The following DBX2 variants were observed in gnomAD, a reference collection of about 807,000 sequenced individuals.
DBX2 encodes the protein developing brain homeobox 2, also known as homeobox protein DBX2.
DBX2 carries 16 observed loss-of-function variants against 17.7 expected under a neutral mutation model. The observed-to-expected ratio is 0.90, with a 90% CI of 0.61 to 1.37. The LOEUF (loss-of-function observed/expected upper bound fraction) is 1.37, where lower values mean the gene tolerates loss of function less well. Among genes scored for constraint, DBX2 ranks in the 40% most tolerant of loss-of-function variants. The pLI is 0.00. For synonymous variants in DBX2, 255 were observed against 183.8 expected, an observed-to-expected ratio of 1.39 and a Z score of -3.13; for missense variants, 538 against 433.8, an observed-to-expected ratio of 1.24 and a Z score of -2.13.
intron 2 of DBX2, among the ~76,000 whole-genome samples, chr12:45,024,103 G>A (rs551092848): frequency 2.0e-5 from 3 of 152,184 alleles, no homozygotes; most frequent in East Asian, 1.9e-4. Context: ...GAGGGACCTC[G>A]TGGGAGGTAA....
intron 2 of DBX2, among the ~76,000 whole-genome samples, chr12:45,026,248 C>T (rs888984750): frequency 6.6e-6 from 1 of 152,036 alleles, no homozygotes; most frequent in African/African-American, 2.4e-5. Context: ...ATTTGGACCT[C>T]TAAAGTGGAA....
intron 2 of DBX2, 89 bp downstream of exon 2, chr12:45,035,930 T>C (rs1180206321): frequency 8.0e-7 from 1 of 1,244,884 alleles, no homozygotes; most frequent in African/African-American, 1.5e-5. Context: ...TGCCATTGCA[T>C]TACCAATTAG....
At chr12:45,045,367 G>T (rs972769578) in intron 1 of DBX2, among the ~76,000 whole-genome samples, 2 of 152,142 alleles carry the variant, frequency 1.3e-5, no homozygotes, top group Non-Finnish European at 2.9e-5. Flanking sequence ...CCTAACATAA[G>T]AACACATTTG....
chr12:45,024,496 C>T (rs966521024), intron 2 of DBX2, among the ~76,000 whole-genome samples: 2 of 152,170 alleles, frequency 1.3e-5, no homozygotes, highest in African/African-American at 2.4e-5. Flanking sequence ...CACATCAAGG[C>T]CCAAGGCCCA....
intron 1 of DBX2, among the ~76,000 whole-genome samples, chr12:45,040,148 A>T (rs937502085): frequency 2.6e-5 from 4 of 152,236 alleles, no homozygotes; most frequent in Middle Eastern, 3.4e-3. Flanking sequence ...GGCACTATCT[A>T]ATCAGCTGCC....
intron 3 of DBX2, 138 bp downstream of exon 3, chr12:45,023,569 T>C: frequency 1.9e-6 from 2 of 1,039,084 alleles, no homozygotes; most frequent in East Asian, 2.4e-5. Context: ...TAAGAAATAT[T>C]TGCTAAATAA....
chr12:45,025,507 T>TAGAAA (rs905847513), intron 2 of DBX2, among the ~76,000 whole-genome samples: 6 of 152,016 alleles, frequency 3.9e-5, no homozygotes, highest in African/African-American at 1.2e-4. Flanking sequence ...ACAGCAACAA[T>TAGAAA]AGAAAACTAA....
intron 2 of DBX2, among the ~76,000 whole-genome samples, chr12:45,028,415 A>G (rs917152807): frequency 6.6e-6 from 1 of 152,004 alleles, no homozygotes; most frequent in African/African-American, 2.4e-5. Context: ...TTTTTTTTCT[A>G]AGTAGAATTT....
Position 45,050,798 on chromosome 12 carries a change from G to A in DBX2, c.130C>T (p.Leu44=). Reference sequence around the variant, plus strand: ...GGCGTTGGGGCGCCCCCGACCCGCAGCAAATTCTCGATCAGGAAACTCTTG... The same window carrying A: ...GGCGTTGGGGCGCCCCCGACCCGCAACAAATTCTCGATCAGGAAACTCTTG... ...LGKSFLIENL[L]RVGGAPTPRL... is the part of the protein sequence containing the mutation. Residue 44 remains leucine (L), a synonymous_variant, in exon 1 of 4, where the codon CTG becomes TTG. Transcript: ENST00000332700. 6.5e-7 allele frequency: 1 copy of A among 1,531,698 alleles called. No homozygotes were observed. The highest frequency in any genetic ancestry group is 2.1e-5 in the Admixed American group (1 of 48,310). 94.9% of individuals were successfully genotyped at this position (1,531,698 alleles called of 1,614,324 possible).
rs1408255636 is a variant in DBX2, at chr12:45,050,670, G to T, written c.258C>A (p.Cys86Ter). The change falls in exon 1 of 4, where the codon TGC (cysteine) becomes TGA (stop). Residue 86 changes from cysteine to a stop codon, truncating the protein, a stop_gained. Coordinates refer to ENST00000332700, the MANE Select transcript of DBX2 (RefSeq NM_001004329.3). LOFTEE classifies it high-confidence loss of function. ...LPASPVPLKL[C>*]PAAEQVSPAG... is the part of the protein sequence containing the mutation. ...CGGGGCTAACTTGTTCGGCTGCGGG[G>T]CACAGCTTTAGGGGAACTGGGCTAG... 1 of 1,548,534 alleles carries T rather than the reference G, an allele frequency of 6.5e-7. No homozygotes were observed. Among genetic ancestry groups the T allele is most frequent in the South Asian group, 1.2e-5 (1 of 84,000 alleles).
At chr12:45,021,339 C>A (rs1946350596) in intron 3 of DBX2, among the ~76,000 whole-genome samples, 1 of 152,074 alleles carries the variant, frequency 6.6e-6, no homozygotes, top group Admixed American at 6.6e-5. Context: ...AGATGGCAAA[C>A]AAATAGGAAA....
chr12:45,050,565 A>T lies in DBX2; in HGVS notation c.363T>A (p.Ala121=). ...SADSARLPGR[A]PGDRDCTFQP... ...GGAAGGTACAGTCTCGGTCCCCCGG[A>T]GCCCGGCCCGGCAGCCTCGCACTGT... Residue 121 remains alanine (A), a synonymous_variant, in exon 1 of 4, where the codon GCT becomes GCA. Transcript: ENST00000332700. 6.4e-7 allele frequency: 1 copy of T among 1,552,454 alleles called. No homozygotes were observed. The highest frequency in any genetic ancestry group is 1.2e-5 in the South Asian group (1 of 84,178).
intron 3 of DBX2, among the ~76,000 whole-genome samples, chr12:45,019,340 A>G (rs773988599): frequency 1.1e-4 from 16 of 152,098 alleles, no homozygotes; most frequent in Non-Finnish European, 2.2e-4. Context: ...TTCACAGACT[A>G]CAAATGGCCA....
chr12:45,050,987 C>A lies in DBX2; in HGVS notation c.-60G>T, dbSNP rs1025048349. 5.2e-6 allele frequency: 7 copies of A among 1,341,448 alleles called. No homozygotes were observed. The highest frequency in any genetic ancestry group is 1.5e-5 in the African/African-American group (1 of 64,642). The allele number at this position is 1,341,448 out of a possible 1,614,324, so 83.1% of individuals were successfully genotyped here. A position where few individuals can be genotyped will look rare whatever the true frequency, so the allele number is the denominator to read the frequency against. The stretch of plus-strand genomic sequence containing the variant: ...TTGCGCCCGCCTGTCGCCCGGGCGC[C>A]CCGCACCGCACCCAGAGCCGCAGCT... On this transcript the variant is annotated 5_prime_UTR_variant, in exon 1 of 4. Transcript: ENST00000332700.
chr12:45,029,879 A>T (rs545222274), intron 2 of DBX2, among the ~76,000 whole-genome samples: 6 of 143,208 alleles, frequency 4.2e-5, no homozygotes, highest in African/African-American at 1.5e-4. Flanking sequence ...AAAAATAATA[A>T]AAATAAATAA....
rs1343423230 is a variant in DBX2, at chr12:45,050,673, C to T, written c.255G>A (p.Leu85=). The part of the protein sequence containing the change: ...PLPASPVPLK[L]CPAAEQVSPA... ...GGCTAACTTGTTCGGCTGCGGGGCA[C>T]AGCTTTAGGGGAACTGGGCTAGCAG... Residue 85 remains leucine (L), a synonymous_variant, in exon 1 of 4, where the codon CTG becomes CTA. Transcript: ENST00000332700. 1.9e-6 allele frequency: 3 copies of T among 1,548,282 alleles called. No individual in the cohort carries two copies. The highest frequency in any genetic ancestry group is 2.6e-6 in the Non-Finnish European group (3 of 1,146,342).
intron 1 of DBX2, among the ~76,000 whole-genome samples, chr12:45,041,957 A>C (rs1431314907): frequency 6.6e-6 from 1 of 152,260 alleles, no homozygotes; most frequent in Non-Finnish European, 1.5e-5. Flanking sequence ...GATGCAATCT[A>C]ACAAAATTCA....
At chr12:45,049,370 C>A (rs1946516818) in intron 1 of DBX2, among the ~76,000 whole-genome samples, 1 of 152,176 alleles carries the variant, frequency 6.6e-6, no homozygotes, top group Admixed American at 6.5e-5. Flanking sequence ...TTTGCCTTAA[C>A]TGTTTGTTCC....
chr12:45,018,160 T>C (rs1946333307), intron 3 of DBX2, among the ~76,000 whole-genome samples: 1 of 152,192 alleles, frequency 6.6e-6, no homozygotes, highest in Non-Finnish European at 1.5e-5. Context: ...CATTAACTCA[T>C]TTATTGTTTG....
Sources: gnomAD v4.1 joint callset for allele counts (sites outside exome capture counted in the v4.1 genomes callset) on GRCh38, gnomAD v4.1.1 for gene constraint, MANE v1.5 for transcripts, NCBI Gene and HGNC (gene_info 2026-07-23, HGNC 2026-07-21) for gene names.